MAP2K5: variants seen among roughly 807,000 people sequenced by gnomAD.
MAP2K5 encodes the protein dual specificity mitogen-activated protein kinase kinase 5.
Under a neutral mutation model 83.1 loss-of-function variants are expected in MAP2K5, and 49 were observed. The ratio of observed to expected loss-of-function variants is 0.59; its 90% confidence interval spans 0.47 to 0.75. The LOEUF (loss-of-function observed/expected upper bound fraction) is 0.75, where lower values mean the gene tolerates loss of function less well. Ranked by LOEUF, MAP2K5 falls within the 30% of genes least tolerant of loss-of-function variation. The pLI is 0.00. For missense variants in MAP2K5, 457 were observed against 557.5 expected, an observed-to-expected ratio of 0.82 and a Z score of 1.82; for synonymous variants, 202 against 191.8, an observed-to-expected ratio of 1.05 and a Z score of -0.44.
At chr15:67,618,358 C>T (rs1259642581) in intron 8 of MAP2K5, among the ~76,000 whole-genome samples, 1 of 152,144 alleles carries the variant, frequency 6.6e-6, no homozygotes, top group Non-Finnish European at 1.5e-5. Context: ...TCTCATCTTT[C>T]TGACCTCTGA....
intron 1 of MAP2K5, among the ~76,000 whole-genome samples, chr15:67,547,088 A>ACACACACG (rs2140939910): frequency 6.9e-6 from 1 of 145,090 alleles, no homozygotes; most frequent in Admixed American, 6.8e-5. Context: ...ACACACACAC[A>ACACACACG]CACACACACA....
intron 16 of MAP2K5, among the ~76,000 whole-genome samples, chr15:67,715,222 T>G (rs1011192884): frequency 6.7e-6 from 1 of 148,176 alleles, no homozygotes; most frequent in Non-Finnish European, 1.5e-5. Flanking sequence ...CCACTGTCTT[T>G]TTTTTGGGCG....
Position 67,543,244 on chromosome 15 carries a change from C to T in MAP2K5, c.-92C>T. On this transcript the variant is annotated 5_prime_UTR_variant, in exon 1 of 22. Transcript: ENST00000178640. The surrounding 1 kb of genome is among the most constrained non-coding windows in gnomAD (Gnocchi z 4.3). Reference sequence around the variant, plus strand: ...CTTGTTTTCACCCTCTGTCCTCTGCCCGTCACTCCCCTTGTCACCTCTTGG... The same window carrying T: ...CTTGTTTTCACCCTCTGTCCTCTGCTCGTCACTCCCCTTGTCACCTCTTGG... 1.5e-6 allele frequency: 2 copies of T among 1,334,020 alleles called. No individual in the cohort carries two copies. Among genetic ancestry groups the T allele is most frequent in the East Asian group, 2.3e-5 (1 of 43,514 alleles). The allele number at this position is 1,334,020 out of a possible 1,614,324, so 82.6% of individuals were successfully genotyped here. A position where few individuals can be genotyped will look rare whatever the true frequency, so the allele number is the denominator to read the frequency against.
chr15:67,731,648 T>A (rs2089224877), intron 17 of MAP2K5, among the ~76,000 whole-genome samples: 1 of 152,168 alleles, frequency 6.6e-6, no homozygotes, highest in South Asian at 2.1e-4. Context: ...CTGTGCATTC[T>A]ACCTGCAGGG....
Position 67,649,773 on chromosome 15 carries a change from G to A in MAP2K5, c.736+3304G>A, listed in dbSNP as rs905183938. 1.1e-4 allele frequency among the ~76,000 whole-genome samples: 16 copies of A among 152,180 alleles called. No homozygotes were observed. The South Asian group carries it at 1.9e-3, about 18-fold the overall frequency. On this transcript the variant is annotated intron_variant, in intron 11 of 21. Transcript: ENST00000178640. ...TATTATAGTTTTTAAGTTTCAAATC[G>A]AGAAGTGTAAGTGCTCCAACTTTGT...
chr15:67,569,031 A>G (rs888198070), intron 3 of MAP2K5, among the ~76,000 whole-genome samples: 2 of 151,386 alleles, frequency 1.3e-5, no homozygotes, highest in African/African-American at 4.9e-5. Flanking sequence ...AAAAAAAAAA[A>G]ACAAAACTCT....
At chr15:67,789,226 T>A (rs1183911928) in intron 21 of MAP2K5, among the ~76,000 whole-genome samples, 1 of 152,198 alleles carries the variant, frequency 6.6e-6, no homozygotes, top group Non-Finnish European at 1.5e-5. Context: ...ATACTATGGA[T>A]GTATCATATT....
At chr15:67,569,085 C>G (rs1035965570) in intron 3 of MAP2K5, among the ~76,000 whole-genome samples, 5 of 151,456 alleles carry the variant, frequency 3.3e-5, no homozygotes, top group African/African-American at 1.2e-4. Flanking sequence ...ACCTACAAGG[C>G]TGTGTTTTAC....
chr15:67,708,942 T>C lies in MAP2K5; in HGVS notation c.1044+5534T>C, dbSNP rs2088624176. ...CTCTGTTGGTGGGGTAAAGGACATCTCTTCCAGGTTTTTGTCAACTGAATG... is the reference window on the plus strand; with the variant it reads ...CTCTGTTGGTGGGGTAAAGGACATCCCTTCCAGGTTTTTGTCAACTGAATG... On this transcript the variant is annotated intron_variant, in intron 16 of 21. Coordinates refer to ENST00000178640, the MANE Select transcript of MAP2K5 (RefSeq NM_145160.3). The surrounding 1 kb of genome is among the most constrained non-coding windows in gnomAD (Gnocchi z 4.9). Among the ~76,000 whole-genome samples the C allele has an allele frequency of 6.6e-6, 1 of 152,212 alleles. No homozygotes were observed. Among genetic ancestry groups the C allele is most frequent in the Admixed American group, 6.5e-5 (1 of 15,284 alleles).
intron 7 of MAP2K5, among the ~76,000 whole-genome samples, chr15:67,595,233 A>T (rs561133487): frequency 6.6e-6 from 1 of 152,298 alleles, no homozygotes; most frequent in South Asian, 2.1e-4. Context: ...ATAAATATTT[A>T]TTTCTTTTCT....
At chr15:67,715,779 C>G (rs752108597) in intron 16 of MAP2K5, among the ~76,000 whole-genome samples, 2 of 152,142 alleles carry the variant, frequency 1.3e-5, no homozygotes, top group Non-Finnish European at 2.9e-5. Flanking sequence ...GGCTGAACCT[C>G]CTGAAGCTAA....
chr15:67,654,725 C>T (rs753855701), intron 11 of MAP2K5, among the ~76,000 whole-genome samples: 6 of 152,038 alleles, frequency 3.9e-5, no homozygotes, highest in Non-Finnish European at 7.4e-5. Flanking sequence ...AACTTCTTAA[C>T]TTATAACAAT....
intron 8 of MAP2K5, among the ~76,000 whole-genome samples, chr15:67,629,315 T>C (rs2086406875): frequency 6.6e-6 from 1 of 152,156 alleles, no homozygotes; most frequent in Non-Finnish European, 1.5e-5. Context: ...AGGACTGTAT[T>C]TGTCTAATTG....
chr15:67,662,695 T>C (rs1183241761), intron 12 of MAP2K5, among the ~76,000 whole-genome samples: 1 of 152,180 alleles, frequency 6.6e-6, no homozygotes, highest in East Asian at 1.9e-4. Context: ...GTCACCCATA[T>C]ACTTAGGGTC....
chr15:67,629,236 T>G (rs1375971110), intron 8 of MAP2K5: 1 of 621,732 alleles, frequency 1.6e-6, no homozygotes, highest in Non-Finnish European at 3.0e-6. Flanking sequence ...AGCACGGTGG[T>G]GGCAGGGCCT....
At chr15:67,694,287 A>C (rs1315991389) in intron 15 of MAP2K5, among the ~76,000 whole-genome samples, 1 of 152,174 alleles carries the variant, frequency 6.6e-6, no homozygotes, top group Non-Finnish European at 1.5e-5. Flanking sequence ...TCTAGTATTA[A>C]TTTTGGAGCA....
intron 12 of MAP2K5, among the ~76,000 whole-genome samples, chr15:67,661,382 G>A (rs903835509): frequency 6.6e-6 from 1 of 152,112 alleles, no homozygotes; most frequent in Non-Finnish European, 1.5e-5. Context: ...GTCCCTGAAA[G>A]GAGGTGCACT....
chr15:67,618,297 G>T (rs1382092281), intron 8 of MAP2K5, among the ~76,000 whole-genome samples: 1 of 152,160 alleles, frequency 6.6e-6, no homozygotes, highest in Admixed American at 6.5e-5. Flanking sequence ...ATTCTTTGGG[G>T]TCTGTTGTTA....
chr15:67,568,728 T>C (rs1486634559), intron 3 of MAP2K5, among the ~76,000 whole-genome samples: 1 of 151,998 alleles, frequency 6.6e-6, no homozygotes, highest in Admixed American at 6.6e-5. Flanking sequence ...CTCTGTTGGC[T>C]GGGCGCGGTG....
Sources: gnomAD v4.1 joint callset for allele counts (sites outside exome capture counted in the v4.1 genomes callset) on GRCh38, gnomAD v4.1.1 for gene constraint, Gnocchi (gnomAD v3.1) non-coding constraint, MANE v1.5 for transcripts, NCBI Gene and HGNC (gene_info 2026-07-23, HGNC 2026-07-21) for gene names.